The following POU2F2 variants were observed in gnomAD, a reference collection of about 807,000 sequenced individuals.
POU2F2 encodes POU class 2 homeobox 2.
A neutral mutation model predicts 63.5 loss-of-function variants in POU2F2; 14 were observed. The observed-to-expected ratio is 0.22, with a 90% CI of 0.15 to 0.34. The LOEUF is 0.34. Among genes scored for constraint, POU2F2 ranks in the 10% least tolerant of loss-of-function variants. POU2F2 has a pLI of 1.00. For synonymous variants in POU2F2, 306 were observed against 348.6 expected, an observed-to-expected ratio of 0.88 and a Z score of 1.36; for missense variants, 607 against 815.2, an observed-to-expected ratio of 0.74 and a Z score of 3.11.
At chr19:42,168,754 G>T (rs982098108) in intron 1 of POU2F2, among the ~76,000 whole-genome samples, 1 of 152,224 alleles carries the variant, frequency 6.6e-6, no homozygotes, top group African/African-American at 2.4e-5. Context: ...ATTTATGCCT[G>T]TGTGGGCTCT....
At chr19:42,176,185 C>T (rs1023407608), upstream of POU2F2, among the ~76,000 whole-genome samples, 6 of 152,118 alleles carry the variant, frequency 3.9e-5, no homozygotes, top group African/African-American at 1.2e-4. Flanking sequence ...ATGGGGGTCC[C>T]GCCCAGCCCG....
At chr19:42,174,763 C>T (rs1230666498) in intron 1 of POU2F2, among the ~76,000 whole-genome samples, 2 of 151,808 alleles carry the variant, frequency 1.3e-5, no homozygotes, top group African/African-American at 4.8e-5. Context: ...ACTCTGTACC[C>T]ACCAGCCCCC....
intron 1 of POU2F2, among the ~76,000 whole-genome samples, chr19:42,128,995 GC>G (rs1225889102): frequency 6.6e-6 from 1 of 152,050 alleles, no homozygotes; most frequent in Admixed American, 6.6e-5. Flanking sequence ...ACCATGCCCG[GC>G]TAATTTTTGT....
chr19:42,172,208 T>C (rs1392859078), intron 1 of POU2F2, among the ~76,000 whole-genome samples: 1 of 152,144 alleles, frequency 6.6e-6, no homozygotes, highest in Non-Finnish European at 1.5e-5. Context: ...ACCCACACCA[T>C]CTTCATTCCC....
chr19:42,099,929 T>C lies in POU2F2; in HGVS notation c.370-108A>G, dbSNP rs1258857125. On this transcript the variant is annotated intron_variant, in intron 5 of 14. Transcript: ENST00000692977. ...GCTGAAACCAGGAAGCTGCTCCACA[T>C]GGCGATCTGGCACTGGGCAGTGAGG... 12 of 844,506 alleles carry C rather than the reference T, an allele frequency of 1.4e-5. No individual in the cohort carries two copies. In the East Asian group the frequency reaches 2.9e-4, roughly 21 times the overall value. The allele number at this position is 844,506 out of a possible 1,614,324, so 52.3% of individuals were successfully genotyped here.
At chr19:42,143,470 G>A (rs542627492) in intron 2 of POU2F2, among the ~76,000 whole-genome samples, 2 of 152,256 alleles carry the variant, frequency 1.3e-5, no homozygotes, top group Non-Finnish European at 1.5e-5. Context: ...CCATTTCACT[G>A]CCCAGAAACA....
intron 5 of POU2F2, among the ~76,000 whole-genome samples, chr19:42,108,002 C>G (rs73051465): frequency 0.012 from 1,773 of 152,354 alleles, 33 homozygotes; most frequent in Non-Finnish European, 0.015. Flanking sequence ...TAGATCTACA[C>G]AGAGGTGGTC....
upstream of POU2F2, chr19:42,132,609 G>A: frequency 2.3e-6 from 1 of 435,230 alleles, no homozygotes; most frequent in Non-Finnish European, 4.0e-6. Context: ...GTGCTGGGGG[G>A]TGGGGGCTAG....
At chr19:42,139,329 C>T (rs1174764595) in intron 2 of POU2F2, among the ~76,000 whole-genome samples, 1 of 151,846 alleles carries the variant, frequency 6.6e-6, no homozygotes, top group East Asian at 1.9e-4. Flanking sequence ...GAAAAACAAA[C>T]CAACAAATAA....
chr19:42,180,056 C>T (rs1379120955), upstream of POU2F2, among the ~76,000 whole-genome samples: 1 of 152,188 alleles, frequency 6.6e-6, no homozygotes, highest in African/African-American at 2.4e-5. Flanking sequence ...GAAACGCCCA[C>T]TCCAACTGCA....
chr19:42,104,153 G>A (rs878912689), intron 5 of POU2F2, among the ~76,000 whole-genome samples: 2 of 152,052 alleles, frequency 1.3e-5, no homozygotes, highest in African/African-American at 2.4e-5. Flanking sequence ...AGATAAACAC[G>A]ACTGCAATTG....
intron 5 of POU2F2, among the ~76,000 whole-genome samples, chr19:42,109,150 A>T (rs1220244799): frequency 6.6e-6 from 1 of 152,188 alleles, no homozygotes; most frequent in Non-Finnish European, 1.5e-5. Flanking sequence ...AGAGAAAGCC[A>T]TGACAGTGAA....
intron 1 of POU2F2, among the ~76,000 whole-genome samples, chr19:42,175,213 AG>A (rs1334924604): frequency 6.6e-6 from 1 of 152,168 alleles, no homozygotes; most frequent in East Asian, 1.9e-4. Flanking sequence ...ACAAGGAAGT[AG>A]GGGGTGGCAC....
intron 2 of POU2F2, among the ~76,000 whole-genome samples, chr19:42,157,956 C>A (rs754674473): frequency 1.3e-5 from 2 of 152,172 alleles, no homozygotes; most frequent in Non-Finnish European, 2.9e-5. Flanking sequence ...TCCTGGGGCT[C>A]CAGCTCCCAC....
At position 42,122,166 on chromosome 19, in the gene POU2F2, G is replaced by A. The variant is rs372088467; in HGVS notation, c.146C>T (p.Thr49Ile). The stretch of plus-strand genomic sequence containing the variant: ...AGTTGGGGACACGGAGAATGGGGAG[G>A]TCTTATTTTGGGGGTTCTGCAAAGA... ...DTNHQNPQNK[T>I]SPFSVSPTGP... The change falls in exon 4 of 15, where the codon ACC becomes ATC. Residue 49 changes from threonine (T) to isoleucine (I), a missense_variant. Coordinates refer to ENST00000692977, the MANE Select transcript of POU2F2 (RefSeq NM_001394376.1). 5.6e-5 allele frequency: 91 copies of A among 1,613,308 alleles called. No individual in the cohort carries two copies. The highest frequency in any genetic ancestry group is 3.8e-4 in the Admixed American group (23 of 59,942).
intron 1 of POU2F2, among the ~76,000 whole-genome samples, chr19:42,191,595 G>A (rs1345012447): frequency 6.6e-6 from 1 of 152,208 alleles, no homozygotes; most frequent in African/African-American, 2.4e-5. Flanking sequence ...TAGAGAGCTA[G>A]TGAAAGAGCT....
At chr19:42,093,010 T>TATATA (rs1491362045) in intron 12 of POU2F2, among the ~76,000 whole-genome samples, 80 of 50,984 alleles carry the variant, frequency 1.6e-3, no homozygotes, top group African/African-American at 4.1e-3. Context: ...TATATATATA[T>TATATA]TTTTTTTTTT....
At chr19:42,142,914 A>C (rs1259381604) in intron 2 of POU2F2, among the ~76,000 whole-genome samples, 1 of 152,188 alleles carries the variant, frequency 6.6e-6, no homozygotes, top group African/African-American at 2.4e-5. Context: ...ATACACATGC[A>C]GAAAATCAAA....
chr19:42,174,544 C>G (rs1309736372), intron 1 of POU2F2, among the ~76,000 whole-genome samples: 3 of 152,148 alleles, frequency 2.0e-5, no homozygotes, highest in East Asian at 1.9e-4. Flanking sequence ...CATATGTCAC[C>G]CATGATGGGG....
Sources: allele counts gnomAD v4.1 joint callset (sites outside exome capture counted in the v4.1 genomes callset), GRCh38; gene constraint gnomAD v4.1.1; transcripts MANE v1.5; gene names NCBI Gene and HGNC (gene_info 2026-07-23, HGNC 2026-07-21).